The following CASC3 variants were observed in gnomAD, a reference collection of about 807,000 sequenced individuals.
The protein encoded by CASC3 is CASC3 exon junction complex subunit.
A neutral mutation model predicts 80.5 loss-of-function variants in CASC3; 30 were observed. That is an observed-to-expected ratio of 0.37 (90% confidence interval 0.28 to 0.51). The LOEUF is 0.51. Ranked by LOEUF, CASC3 falls within the 20% of genes least tolerant of loss-of-function variation. The pLI, the probability that CASC3 is intolerant of heterozygous loss-of-function variation, is 0.94. For synonymous variants in CASC3, 312 were observed against 333.6 expected, an observed-to-expected ratio of 0.94 and a Z score of 0.70; for missense variants, 824 against 922.2, an observed-to-expected ratio of 0.89 and a Z score of 1.38.
At chr17:40,166,682 T>G in intron 7 of CASC3, 115 bp from the exon 8 acceptor site, 1 of 641,690 alleles carries the variant, frequency 1.6e-6, no homozygotes, top group Non-Finnish European at 2.6e-6. Flanking sequence ...ATTTTATTAG[T>G]TAAAAGAAAA....
At chr17:40,147,844 TA>T (rs1390584087) in intron 3 of CASC3, among the ~76,000 whole-genome samples, 1 of 152,204 alleles carries the variant, frequency 6.6e-6, no homozygotes, top group Non-Finnish European at 1.5e-5. Context: ...TAATTGCTCA[TA>T]CCTTTCTGAG....
At chr17:40,153,930 C>T (rs1408614318) in intron 3 of CASC3, among the ~76,000 whole-genome samples, 1 of 152,020 alleles carries the variant, frequency 6.6e-6, no homozygotes, top group African/African-American at 2.4e-5. Context: ...AAAAATTAGC[C>T]AGCCACTGTG....
intron 3 of CASC3, among the ~76,000 whole-genome samples, chr17:40,145,023 C>G (rs1353753081): frequency 6.7e-6 from 1 of 150,312 alleles, no homozygotes; most frequent in African/African-American, 2.5e-5. Flanking sequence ...ACCACGCCCG[C>G]CTAATTTTTG....
chr17:40,165,740 A>G (rs1598430909), intron 7 of CASC3, among the ~76,000 whole-genome samples: 1 of 149,788 alleles, frequency 6.7e-6, no homozygotes, highest in African/African-American at 2.4e-5. Flanking sequence ...TGTTGTGTTT[A>G]CATAGATATA....
intron 3 of CASC3, among the ~76,000 whole-genome samples, chr17:40,151,930 C>A (rs1441261127): frequency 6.6e-6 from 1 of 152,080 alleles, no homozygotes; most frequent in Non-Finnish European, 1.5e-5. Flanking sequence ...CCCACCCCAG[C>A]TTTATTGAGG....
intron 3 of CASC3, among the ~76,000 whole-genome samples, chr17:40,142,464 GAAC>G (rs1162707273): frequency 1.3e-5 from 2 of 152,190 alleles, no homozygotes; most frequent in East Asian, 1.9e-4. Flanking sequence ...TAGGCAGAGA[GAAC>G]AACAGTCAAG....
Position 40,163,590 on chromosome 17 carries a change from A to T in CASC3, c.895A>T (p.Arg299Trp). Residue 299 changes from arginine (R) to tryptophan (W), a missense_variant, in exon 7 of 14, where the codon AGG (arginine) becomes TGG (tryptophan). Coordinates refer to ENST00000264645, the MANE Select transcript of CASC3 (RefSeq NM_007359.5). ...GTLPPRTFIN[R>W]NAAGTGRMSA... Reference sequence around the variant, plus strand: ...CCTACCACCAAGGACATTTATTAACAGGAATGCTGCAGGTACCGGCCGTAT... The same window carrying T: ...CCTACCACCAAGGACATTTATTAACTGGAATGCTGCAGGTACCGGCCGTAT... The T allele has an allele frequency of 6.2e-7, 1 of 1,614,196 alleles. No homozygotes were observed. The highest frequency in any genetic ancestry group is 8.5e-7 in the Non-Finnish European group (1 of 1,180,042).
chr17:40,156,806 A>C (rs912876590), intron 3 of CASC3, among the ~76,000 whole-genome samples: 7 of 152,170 alleles, frequency 4.6e-5, no homozygotes, highest in Non-Finnish European at 8.8e-5. Context: ...TTAGTGGGCC[A>C]AGGCAGGAGG....
intron 3 of CASC3, 135 bp from the exon 4 acceptor site, chr17:40,161,618 A>T: frequency 1.4e-6 from 1 of 738,344 alleles, no homozygotes; most frequent in Non-Finnish European, 2.3e-6. Context: ...GGCAGAGGTT[A>T]CAGTGAGCTG....
At chr17:40,166,489 A>G (rs1022343891) in intron 7 of CASC3, among the ~76,000 whole-genome samples, 96 of 152,318 alleles carry the variant, frequency 6.3e-4, no homozygotes, top group African/African-American at 2.3e-3. Flanking sequence ...TGTGCTAATT[A>G]TAATCTCTCA....
chr17:40,141,039 G>A, intron 1 of CASC3, 168 bp from the exon 2 acceptor site: 1 of 687,298 alleles, frequency 1.5e-6, no homozygotes, highest in East Asian at 2.7e-5. Context: ...GGGCTGGAGG[G>A]AAGGAGACCA....
intron 3 of CASC3, among the ~76,000 whole-genome samples, chr17:40,143,663 C>T (rs1988779398): frequency 1.3e-5 from 2 of 151,758 alleles, no homozygotes; most frequent in Non-Finnish European, 2.9e-5. Flanking sequence ...AATCTCGTCT[C>T]TACTAAAAAT....
Position 40,161,767 on chromosome 17 carries a change from A to C in CASC3, c.312A>C (p.Glu104Asp). ...ACTTTTTTCAGGGTGAAGAAGGTGA[A>C]TACAGTGAAGAGGAAAACTCCAAAG... ...SAEDSEGEEG[E>D]YSEEENSKVE... is the part of the protein sequence containing the mutation. Residue 104 changes from glutamate (E) to aspartate (D), a missense_variant, in exon 4 of 14, where the codon GAA becomes GAC. This residue lies in a region of CASC3 where 201 missense variants were observed against 294.1 expected (regional missense o/e 0.68). Coordinates refer to ENST00000264645, the MANE Select transcript of CASC3 (RefSeq NM_007359.5). 2 of 1,614,152 alleles carry C rather than the reference A, an allele frequency of 1.2e-6. No homozygotes were observed. The highest frequency in any genetic ancestry group is 1.7e-6 in the Non-Finnish European group (2 of 1,180,016).
At chr17:40,164,539 C>A (rs1039404741) in intron 7 of CASC3, among the ~76,000 whole-genome samples, 1 of 151,872 alleles carries the variant, frequency 6.6e-6, no homozygotes, top group Non-Finnish European at 1.5e-5. Flanking sequence ...TGTCCACCTC[C>A]GGGTTCAAGT....
intron 3 of CASC3, among the ~76,000 whole-genome samples, chr17:40,161,239 C>T (rs571454975): frequency 6.6e-6 from 1 of 152,236 alleles, no homozygotes; most frequent in East Asian, 1.9e-4. Context: ...ATTGGCCTCC[C>T]AAAATGTGAT....
chr17:40,146,971 C>T (rs1273102084), intron 3 of CASC3, among the ~76,000 whole-genome samples: 1 of 152,134 alleles, frequency 6.6e-6, no homozygotes, highest in Non-Finnish European at 1.5e-5. Flanking sequence ...ACATCAGGGA[C>T]CGTCTGTAGT....
At chr17:40,154,780 A>G (rs1376600681) in intron 3 of CASC3, among the ~76,000 whole-genome samples, 2 of 152,102 alleles carry the variant, frequency 1.3e-5, no homozygotes, top group East Asian at 3.9e-4. Context: ...AGTCATGAGT[A>G]TTTACTCCTG....
chr17:40,171,835 T>C lies in CASC3; in HGVS notation c.*1430T>C. On this transcript the variant is annotated 3_prime_UTR_variant, in exon 14 of 14. Coordinates refer to ENST00000264645, the MANE Select transcript of CASC3 (RefSeq NM_007359.5). ...CATCTAGCAGCTGGCCTAATCACTC[T>C]GAGTCACAGGTGTGGGATGGAGAGT... 8.4e-7 allele frequency: 1 copy of C among 1,185,962 alleles called. No homozygotes were observed. The highest frequency in any genetic ancestry group is 1.1e-6 in the Non-Finnish European group (1 of 940,472). The allele number at this position is 1,185,962 out of a possible 1,614,324, so 73.5% of individuals were successfully genotyped here.
At chr17:40,151,373 C>T (rs1001485630) in intron 3 of CASC3, among the ~76,000 whole-genome samples, 1 of 151,980 alleles carries the variant, frequency 6.6e-6, no homozygotes, top group Non-Finnish European at 1.5e-5. Flanking sequence ...CATATGCCTG[C>T]CTAATTTTTA....
Sources: gnomAD v4.1 joint callset for allele counts (sites outside exome capture counted in the v4.1 genomes callset) on GRCh38, gnomAD v4.1.1 for gene constraint, gnomAD v4.1.1 regional missense constraint, MANE v1.5 for transcripts, NCBI Gene and HGNC (gene_info 2026-07-23, HGNC 2026-07-21) for gene names.